Variants in ZNF730 observed in about 807,000 individuals in gnomAD.
ZNF730 encodes putative zinc finger protein 730.
Under a neutral mutation model 12.6 loss-of-function variants are expected in ZNF730, and 12 were observed. That is an observed-to-expected ratio of 0.95 (90% CI 0.61 to 1.54). ZNF730 has a LOEUF of 1.54. ZNF730 is among the 40% of genes most tolerant of loss of function. The pLI is 0.00. For synonymous variants in ZNF730, 194 were observed against 195.8 expected, an observed-to-expected ratio of 0.99 and a Z score of 0.08; for missense variants, 643 against 583.5, an observed-to-expected ratio of 1.10 and a Z score of -1.05.
chr19:23,085,794 G>A (rs1038264105), intron 1 of ZNF730, among the ~76,000 whole-genome samples: 21 of 139,310 alleles, frequency 1.5e-4, no homozygotes, highest in African/African-American at 5.7e-4. Context: ...GATTACTGAT[G>A]TGAGCCACCG....
chr19:23,084,478 G>A (rs1970022577), intron 1 of ZNF730, among the ~76,000 whole-genome samples: 1 of 152,056 alleles, frequency 6.6e-6, no homozygotes, highest in Non-Finnish European at 1.5e-5. Flanking sequence ...GTACAAATAG[G>A]TCTTTTAAAA....
intron 1 of ZNF730, among the ~76,000 whole-genome samples, chr19:23,102,759 G>T (rs986564983): frequency 6.6e-6 from 1 of 152,092 alleles, no homozygotes; most frequent in African/African-American, 2.4e-5. Flanking sequence ...GCCTCGCAAA[G>T]TTCTGGGATT....
At chr19:23,137,676 C>G (rs912454984) in intron 3 of ZNF730, among the ~76,000 whole-genome samples, 2 of 152,202 alleles carry the variant, frequency 1.3e-5, no homozygotes, top group Non-Finnish European at 2.9e-5. Context: ...TTTTAAGAAG[C>G]AAACACCTCT....
Position 23,145,386 on chromosome 19 carries a change from A to T in ZNF730, c.342A>T (p.Arg114Ser). The part of the protein sequence containing the change: ...KKCRHENLLL[R>S]KGCKNVDEFK... ...GTAGACATGAGAATTTACTGTTAAG[A>T]AAAGGCTGTAAAAATGTGGATGAGT... is the stretch of plus-strand genomic sequence containing the variant. Residue 114 changes from arginine (R) to serine (S), a missense_variant, in exon 4 of 4, where the codon AGA (arginine) becomes AGT (serine). By Grantham distance (110) the Arg-to-Ser change is moderately radical. Transcript: ENST00000597761. The T allele has an allele frequency of 6.3e-7, 1 of 1,590,382 alleles. No homozygotes were observed. The highest frequency in any genetic ancestry group is 8.6e-7 in the Non-Finnish European group (1 of 1,169,078).
intron 1 of ZNF730, among the ~76,000 whole-genome samples, chr19:23,104,536 T>C (rs1226076316): frequency 6.6e-6 from 1 of 152,102 alleles, no homozygotes; most frequent in Non-Finnish European, 1.5e-5. Flanking sequence ...ATGAACAAAA[T>C]TAGGAATATG....
intron 1 of ZNF730, among the ~76,000 whole-genome samples, chr19:23,087,940 C>T (rs1346838728): frequency 2.0e-5 from 3 of 151,746 alleles, no homozygotes; most frequent in Non-Finnish European, 4.4e-5. Flanking sequence ...TTTCTCTTTT[C>T]TTGTTACCCG....
chr19:23,123,343 G>A (rs964757034), intron 1 of ZNF730: 3 of 152,460 alleles, frequency 2.0e-5, no homozygotes, highest in African/African-American at 7.2e-5. Context: ...GCCAAGGCAG[G>A]TGGATCACGA....
intron 3 of ZNF730, among the ~76,000 whole-genome samples, chr19:23,136,559 C>G (rs1398548178): frequency 6.6e-6 from 1 of 152,112 alleles, no homozygotes; most frequent in Non-Finnish European, 1.5e-5. Context: ...CGTGCATCAC[C>G]ACACCCAGCA....
At chr19:23,140,773 G>A (rs1245262593) in intron 3 of ZNF730, among the ~76,000 whole-genome samples, 1 of 151,712 alleles carries the variant, frequency 6.6e-6, no homozygotes, top group Non-Finnish European at 1.5e-5. Context: ...CCAATATGGT[G>A]AAACCCCATC....
chr19:23,096,860 A>T (rs981823760), intron 1 of ZNF730, among the ~76,000 whole-genome samples: 7 of 152,150 alleles, frequency 4.6e-5, no homozygotes, highest in Non-Finnish European at 7.3e-5. Context: ...TACAGTGTGT[A>T]TTGTGACATA....
rs779154353 is a variant in ZNF730, at chr19:23,146,194, A to C, written c.1150A>C (p.Thr384Pro). The C allele has an allele frequency of 2.5e-6, 4 of 1,609,562 alleles. No individual in the cohort carries two copies. In the African/African-American group the frequency reaches 4.0e-5, roughly 16 times the overall value. Residue 384 changes from threonine to proline, a missense_variant, in exon 4 of 4, where the codon ACT (threonine) becomes CCT (proline). Coordinates refer to ENST00000597761, the MANE Select transcript of ZNF730 (RefSeq NM_001277403.2). Reference protein sequence around the residue: ...GKAFNQSSTLTIHKIIHTVEK... With the variant: ...GKAFNQSSTLPIHKIIHTVEK... ...AGCTTTTAACCAATCCTCAACTCTT[A>C]CTATACATAAGATAATTCATACTGT...
At chr19:23,125,782 A>G in intron 1 of ZNF730, 1 of 184,882 alleles carries the variant, frequency 5.4e-6, no homozygotes, top group South Asian at 1.3e-4. Flanking sequence ...GATACAGGAT[A>G]AAAATAAATA....
At chr19:23,107,499 A>AT (rs1970409827) in intron 1 of ZNF730, among the ~76,000 whole-genome samples, 1 of 91,920 alleles carries the variant, frequency 1.1e-5, no homozygotes, top group Admixed American at 1.2e-4. Context: ...GTTTTTTGTT[A>AT]TTTTTTTAAA....
At position 23,107,073 on chromosome 19, in the gene ZNF730, G is replaced by T. The variant is rs202050959; in HGVS notation, c.-93-27007G>T. Among the ~76,000 whole-genome samples, 84 of 142,956 alleles carry T rather than the reference G, an allele frequency of 5.9e-4. 1 individual carries two copies. In the South Asian group the frequency reaches 0.011, roughly 19 times the overall value. 93.8% of individuals were successfully genotyped at this position (142,956 alleles called of 152,430 possible). On this transcript the variant is annotated intron_variant, in intron 1 of 2. Transcript: ENST00000593635. The stretch of plus-strand genomic sequence containing the variant: ...CTGGACCGGAGTTGCGCATGTTTTT[G>T]TTTTTTTTTTTTTGAGACAGTCATT...
In ZNF730 at chr19:23,128,133, T is replaced by G. The variant is rs1436395462; in HGVS notation, c.4-5947T>G. ...ATGTAGGCCTTGCCAGAACTACCAC[T>G]GGCAATAAAGTTTTTGGTTCCCTGA... On this transcript the variant is annotated intron_variant, in intron 1 of 3. Transcript: ENST00000597761. 3.3e-6 allele frequency: 3 copies of G among 912,830 alleles called. No homozygotes were observed. The African/African-American group carries it at 4.8e-5, about 15-fold the overall frequency. 56.5% of individuals were successfully genotyped at this position (912,830 alleles called of 1,614,324 possible).
intron 1 of ZNF730, among the ~76,000 whole-genome samples, chr19:23,105,631 T>C (rs1264818395): frequency 6.6e-6 from 1 of 152,128 alleles, no homozygotes. Context: ...AGTAAAACAA[T>C]TTAACGGTTT....
chr19:23,102,243 C>A (rs189803423), intron 1 of ZNF730, among the ~76,000 whole-genome samples: 5 of 152,228 alleles, frequency 3.3e-5, no homozygotes, highest in African/African-American at 1.2e-4. Context: ...TTGCTGGGCT[C>A]AGCCCCCATG....
At chr19:23,143,341 G>A (rs1293666811) in intron 3 of ZNF730, among the ~76,000 whole-genome samples, 1 of 151,882 alleles carries the variant, frequency 6.6e-6, no homozygotes, top group African/African-American at 2.4e-5. Context: ...CTTGAAATTT[G>A]TCATTGATGT....
At chr19:23,117,270 C>T (rs1970541641) in intron 1 of ZNF730, 94 bp downstream of exon 1, 2 of 1,600,024 alleles carry the variant, frequency 1.2e-6, no homozygotes, top group South Asian at 2.2e-5. Flanking sequence ...TCCCCGCAGT[C>T]AGCTTCACAA....
Sources: allele counts gnomAD v4.1 joint callset (sites outside exome capture counted in the v4.1 genomes callset), GRCh38; gene constraint gnomAD v4.1.1; transcripts MANE v1.5; gene names NCBI Gene and HGNC (gene_info 2026-07-23, HGNC 2026-07-21).